Variants in SMS observed in about 807,000 individuals in gnomAD.
SMS encodes spermine synthase.
In SMS, 3 loss-of-function variants were observed where a neutral mutation model predicts 33.0. That is an observed-to-expected ratio of 0.09 (90% CI 0.04 to 0.23). SMS has a LOEUF of 0.23. SMS is among the 10% of genes least tolerant of loss of function. The pLI, the probability that SMS is intolerant of heterozygous loss-of-function variation, is 1.00. For missense variants in SMS, 117 were observed against 288.6 expected (o/e 0.41, Z 4.31); for synonymous variants, 103 against 112.2 (o/e 0.92, Z 0.52).
At chrX:21,961,615 T>C (rs1396551551) in intron 1 of SMS, among the ~76,000 whole-genome samples, 1 of 111,548 alleles carries the variant, frequency 9.0e-6, no homozygotes, top group Non-Finnish European at 1.9e-5. Context: ...TTCTTTTTTT[T>C]CCCTTCCTGT....
At chrX:21,979,514 C>T (rs1026743194) in intron 7 of SMS, among the ~76,000 whole-genome samples, 1 of 110,548 alleles carries the variant, frequency 9.0e-6, no homozygotes, top group Non-Finnish European at 1.9e-5. Context: ...TCATCCATGT[C>T]CTTGCAGAGG....
At chrX:21,971,185 G>A (rs1199568056) in intron 2 of SMS, among the ~76,000 whole-genome samples, 3 of 108,948 alleles carry the variant, frequency 2.8e-5, no homozygotes, top group East Asian at 2.9e-4. Flanking sequence ...AAGACAGAGT[G>A]CGACTCCATC....
chrX:21,982,604 G>C (rs1925040623), intron 7 of SMS, among the ~76,000 whole-genome samples: 1 of 112,364 alleles, frequency 8.9e-6, no homozygotes, highest in African/African-American at 3.2e-5. Context: ...TATTATAGCT[G>C]TGCTTGTAGT....
At chrX:21,944,999 A>G (rs73195166) in intron 1 of SMS, among the ~76,000 whole-genome samples, 1,613 of 111,689 alleles carry the variant, frequency 0.014, 16 homozygotes, top group Non-Finnish European at 0.023. Context: ...CCCGCACACA[A>G]AAACAGTGGT....
intron 3 of SMS, 113 bp downstream of exon 3, chrX:21,972,103 C>A: frequency 1.8e-6 from 1 of 566,700 alleles, no homozygotes; most frequent in Non-Finnish European, 3.0e-6. Context: ...TTAAACTTTC[C>A]TCCCTCCACA....
intron 9 of SMS, among the ~76,000 whole-genome samples, chrX:21,987,954 A>G (rs1226932706): frequency 8.9e-6 from 1 of 112,745 alleles, no homozygotes; most frequent in Non-Finnish European, 1.9e-5. Context: ...CCATTTGTGA[A>G]TATTAATGAC....
At chrX:21,964,878 C>T (rs1301225833) in intron 1 of SMS, among the ~76,000 whole-genome samples, 1 of 112,161 alleles carries the variant, frequency 8.9e-6, no homozygotes, top group Non-Finnish European at 1.9e-5. Context: ...TTTACAATGG[C>T]AGAGATGTAT....
At chrX:21,957,054 G>C (rs1213473298) in intron 1 of SMS, among the ~76,000 whole-genome samples, 1 of 111,429 alleles carries the variant, frequency 9.0e-6, no homozygotes. Context: ...GGGACAGGTA[G>C]AGAAGACCAC....
intron 1 of SMS, among the ~76,000 whole-genome samples, chrX:21,965,640 C>T (rs1206035214): frequency 2.9e-5 from 3 of 102,399 alleles, no homozygotes; most frequent in Admixed American, 1.1e-4. Flanking sequence ...CCTAGCTACT[C>T]GGGAGGCTGA....
intron 1 of SMS, among the ~76,000 whole-genome samples, chrX:21,942,142 C>T (rs1188001137): frequency 1.8e-5 from 2 of 110,112 alleles, no homozygotes; most frequent in Non-Finnish European, 3.8e-5. Flanking sequence ...TGGAGTGTCT[C>T]GCTCATACCT....
chrX:21,975,209 T>C (rs1037313415), intron 4 of SMS, among the ~76,000 whole-genome samples: 1 of 111,232 alleles, frequency 9.0e-6, no homozygotes, highest in African/African-American at 3.3e-5. Flanking sequence ...TGCTCTACAG[T>C]ACCTCCTGGT....
chrX:21,967,743 TG>T (rs1923841527), intron 2 of SMS, among the ~76,000 whole-genome samples: 1 of 112,150 alleles, frequency 8.9e-6, no homozygotes, highest in Non-Finnish European at 1.9e-5. Context: ...GCAGACTCAG[TG>T]AGGCCTCCTG....
At chrX:21,988,879 T>C (rs1925571294) in intron 9 of SMS, among the ~76,000 whole-genome samples, 1 of 109,575 alleles carries the variant, frequency 9.1e-6, no homozygotes, top group Non-Finnish European at 1.9e-5. Flanking sequence ...AGTGGGCCAA[T>C]AGAATTTGAA....
Position 21,984,311 on chromosome X carries a change from T to C in SMS, c.758T>C (p.Ile253Thr). ...NLKGDCYQVL[I>T]EDCIPVLKRY... ...TCCTGTTCTTTCTGGAAGGTTCTAATAGAAGACTGTATCCCGGTACTGAAG... is the reference window on the plus strand; with the variant it reads ...TCCTGTTCTTTCTGGAAGGTTCTAACAGAAGACTGTATCCCGGTACTGAAG... Residue 253 changes from isoleucine (I) to threonine (T), a missense_variant, in exon 8 of 11, where the codon ATA becomes ACA. Around this residue, in one of 3 missense-constraint regions of SMS, gnomAD observed 69 missense variants for 203.8 expected, o/e 0.34. Coordinates refer to ENST00000404933, the MANE Select transcript of SMS (RefSeq NM_004595.5). 1.8e-6 allele frequency: 2 copies of C among 1,132,111 alleles called. No individual in the cohort carries two copies. The highest frequency in any genetic ancestry group is 2.4e-6 in the Non-Finnish European group (2 of 822,848). 93.3% of individuals were successfully genotyped at this position (1,132,111 alleles called of 1,213,427 possible). A position where few individuals can be genotyped will look rare whatever the true frequency, so the allele number is the denominator to read the frequency against.
At chrX:21,972,719 G>A (rs1924257617) in intron 4 of SMS, 148 bp downstream of exon 4, 2 of 480,930 alleles carry the variant, frequency 4.2e-6, no homozygotes, top group Non-Finnish European at 7.5e-6. Flanking sequence ...GACCAGCCTG[G>A]CCAATGTGGC....
At chrX:21,990,608 A>G in intron 9 of SMS, among the ~76,000 whole-genome samples, 1 of 112,747 alleles carries the variant, frequency 8.9e-6, no homozygotes, top group African/African-American at 3.2e-5. Context: ...TTCTTCTTTG[A>G]AACTTCTTGA....
chrX:21,969,030 A>G (rs1923935702), intron 2 of SMS, among the ~76,000 whole-genome samples: 1 of 111,609 alleles, frequency 9.0e-6, no homozygotes, highest in South Asian at 3.7e-4. Flanking sequence ...TGGCTTCCTT[A>G]ATGTCCCACT....
At chrX:21,953,967 T>TA (rs1555995363) in intron 1 of SMS, among the ~76,000 whole-genome samples, 4 of 108,660 alleles carry the variant, frequency 3.7e-5, no homozygotes, top group African/African-American at 1.3e-4. Flanking sequence ...GAAGTACTAG[T>TA]GTGGATTAGG....
intron 1 of SMS, among the ~76,000 whole-genome samples, chrX:21,957,114 G>A (rs1371399409): frequency 1.8e-5 from 2 of 109,417 alleles, no homozygotes; most frequent in Non-Finnish European, 3.8e-5. Flanking sequence ...CCCGTGCCTG[G>A]TGGGCAGCTT....
Sources: allele counts gnomAD v4.1 joint callset (sites outside exome capture counted in the v4.1 genomes callset), GRCh38; gene constraint gnomAD v4.1.1; regional missense constraint gnomAD v4.1.1; transcripts MANE v1.5; gene names NCBI Gene and HGNC (gene_info 2026-07-23, HGNC 2026-07-21).